The following SPG11 variants were observed in gnomAD, a reference collection of about 807,000 sequenced individuals.
The protein encoded by SPG11 is SPG11 vesicle trafficking associated, spatacsin.
Under a neutral mutation model 274.0 loss-of-function variants are expected in SPG11, and 222 were observed. The ratio of observed to expected loss-of-function variants is 0.81; its 90% CI spans 0.73 to 0.91. The LOEUF (loss-of-function observed/expected upper bound fraction) is 0.91. Among genes scored for constraint, SPG11 ranks in the 40% least tolerant of loss-of-function variants. The pLI is 0.00. For missense variants in SPG11, 3,114 were observed against 2,872.7 expected (o/e 1.08, Z -1.92); for synonymous variants, 1,144 against 1,039.7 (o/e 1.10, Z -1.93).
chr15:44,615,813 CAAGTT>C (rs1376182889), intron 15 of SPG11, among the ~76,000 whole-genome samples: 1 of 152,094 alleles, frequency 6.6e-6, no homozygotes, highest in Non-Finnish European at 1.5e-5. Flanking sequence ...AAACCTAAAT[CAAGTT>C]ATTTCCATTT....
chr15:44,652,264 T>G lies in SPG11; in HGVS notation c.872A>C (p.Gln291Pro). The G allele has an allele frequency of 3.7e-6, 6 of 1,614,048 alleles. No homozygotes were observed. Among genetic ancestry groups the G allele is most frequent in the Non-Finnish European group, 4.2e-6 (5 of 1,179,986 alleles). ...VALNLNLYFR[Q>P]HPGHLLCERI... ...TTCACACAGTAGGTGTCCTGGGTGTTGCCTACATTTAAAAATAATGATAGA... is the reference window on the plus strand; with the variant it reads ...TTCACACAGTAGGTGTCCTGGGTGTGGCCTACATTTAAAAATAATGATAGA... Residue 291 changes from glutamine to proline, a missense_variant and splice_region_variant, in exon 5 of 40, where the codon CAA becomes CCA. Physicochemically the swap from Gln to Pro is moderately conservative, Grantham distance 76 (BLOSUM62 -1). Coordinates refer to ENST00000261866, the MANE Select transcript of SPG11 (RefSeq NM_025137.4).
chr15:44,610,360 A>C (rs2555346), intron 18 of SPG11, among the ~76,000 whole-genome samples: 150,744 of 152,190 alleles, frequency 0.99, 74,668 homozygotes, highest in Middle Eastern at 1. Flanking sequence ...GGCTTCATTC[A>C]CTTTAAACTG....
At position 44,661,007 on chromosome 15, in the gene SPG11, T is replaced by TA. The variant is rs367844903; in HGVS notation, c.258-392dup. Among the ~76,000 whole-genome samples, 893 of 152,322 alleles carry TA rather than the reference T, an allele frequency of 5.9e-3. 18 individuals are homozygous for TA. The highest frequency in any genetic ancestry group is 0.021 in the African/African-American group (853 of 41,570). On this transcript the variant is annotated intron_variant, in intron 1 of 39. Coordinates refer to ENST00000261866, the MANE Select transcript of SPG11 (RefSeq NM_025137.4). ...ACAATAAAATAGGCTTTTGATAACT[T>TA]AAATGTTTTGACTTTTAAAAGAAAG...
intron 19 of SPG11, 92 bp downstream of exon 19, chr15:44,608,352 T>A: frequency 1.4e-6 from 2 of 1,390,884 alleles, no homozygotes; most frequent in Non-Finnish European, 2.0e-6. Context: ...ATTCCCTACA[T>A]TAAATGCCCT....
intron 26 of SPG11, 26 bp from the exon 27 acceptor site, chr15:44,592,464 T>C (rs761925327): frequency 7.3e-7 from 1 of 1,369,598 alleles, no homozygotes; most frequent in Non-Finnish European, 1.0e-6. Context: ...TGAAAAAAAT[T>C]ACAAAATTTT....
rs532874240 is a variant in SPG11 at position 44,580,922 on chromosome 15, T to C, written c.5866+2892A>G. Among the ~76,000 whole-genome samples the C allele has an allele frequency of 2.6e-4, 40 of 152,260 alleles. No homozygotes were observed. The South Asian group carries it at 8.1e-3, about 31-fold the overall frequency. ...GGTGCTGAGAAAATATTTGACAAAA[T>C]TATGGCTGATCAGTACCCAAGTGTG... On this transcript the variant is annotated intron_variant, in intron 30 of 39. Coordinates refer to ENST00000261866, the MANE Select transcript of SPG11 (RefSeq NM_025137.4).
At chr15:44,596,660 C>CAA (rs5812279) in intron 24 of SPG11, 124 bp downstream of exon 24, 905 of 270,454 alleles carry the variant, frequency 3.3e-3, no homozygotes, top group Middle Eastern at 8.4e-3. Context: ...GTATCCTGGT[C>CAA]AAAAAAAAAA....
chr15:44,573,969 CA>C, intron 31 of SPG11: 3 of 595,922 alleles, frequency 5.0e-6, no homozygotes, highest in South Asian at 2.0e-5. Flanking sequence ...CAGAAAGCAT[CA>C]GGTTATTCTC....
chr15:44,649,246 C>T (rs956508412), intron 6 of SPG11, among the ~76,000 whole-genome samples: 6 of 151,840 alleles, frequency 4.0e-5, no homozygotes, highest in South Asian at 2.1e-4. Flanking sequence ...TTGCCTAGGC[C>T]GGAGGGCAGT....
Position 44,620,244 on chromosome 15 carries a change from T to C in SPG11, c.2780A>G (p.Gln927Arg), listed in dbSNP as rs1425195779. Residue 927 changes from glutamine (Q) to arginine (R), a missense_variant, in exon 15 of 40, where the codon CAG becomes CGG. Transcript: ENST00000261866. ...CATGTAGTTGTTACAGGAAGTATTC[T>C]GGTTAATAACATCAACAGTCAGAAG... The part of the protein sequence containing the change: ...WPLLTVDVIN[Q>R]NTSCNNYMRN... 1 of 1,614,048 alleles carries C rather than the reference T, an allele frequency of 6.2e-7. No homozygotes were observed.
At chr15:44,642,833 GC>G (rs2084493666) in intron 7 of SPG11, among the ~76,000 whole-genome samples, 2 of 152,058 alleles carry the variant, frequency 1.3e-5, no homozygotes, top group Non-Finnish European at 2.9e-5. Context: ...TCACACTACT[GC>G]ACTCCAACCT....
intron 7 of SPG11, among the ~76,000 whole-genome samples, chr15:44,639,470 G>A (rs2084378529): frequency 1.3e-5 from 2 of 152,230 alleles, no homozygotes; most frequent in South Asian, 4.2e-4. Flanking sequence ...TCTGAAGGTC[G>A]AGGAGGGAGG....
chr15:44,620,005 C>G, intron 15 of SPG11, 185 bp downstream of exon 15: 4 of 594,478 alleles, frequency 6.7e-6, no homozygotes, highest in Non-Finnish European at 1.2e-5. Flanking sequence ...CATGAGCCAC[C>G]GCACTTGGCC....
chr15:44,578,493 A>G (rs945324422), intron 30 of SPG11, among the ~76,000 whole-genome samples: 13 of 151,162 alleles, frequency 8.6e-5, no homozygotes, highest in African/African-American at 3.2e-4. Context: ...TTTTGGCCAA[A>G]TAACTGAAAA....
chr15:44,598,214 G>A lies in SPG11; in HGVS notation c.4001+51C>T, dbSNP rs762816218. The stretch of plus-strand genomic sequence containing the variant: ...TCAAAGAAAAACTAGGCAAACACAG[G>A]TTGGCACAATAAGCTTGTTAGAAAA... On this transcript the variant is annotated intron_variant, in intron 23 of 39. Transcript: ENST00000261866. 1.2e-5 allele frequency: 17 copies of A among 1,385,430 alleles called. No individual in the cohort carries two copies. The African/African-American group carries it at 2.0e-4, about 16-fold the overall frequency. 85.8% of individuals were successfully genotyped at this position (1,385,430 alleles called of 1,614,324 possible). A position where few individuals can be genotyped will look rare whatever the true frequency, so the allele number is the denominator to read the frequency against.
intron 7 of SPG11, among the ~76,000 whole-genome samples, chr15:44,634,333 G>A (rs984494996): frequency 3.9e-5 from 6 of 152,078 alleles, no homozygotes; most frequent in Admixed American, 3.3e-4. Context: ...GAGGTACAGT[G>A]GCATGATCTC....
At chr15:44,604,036 ACTAC>A (rs1165076758) in intron 20 of SPG11, 1 of 347,260 alleles carries the variant, frequency 2.9e-6, no homozygotes, top group Non-Finnish European at 5.7e-6. Context: ...TTAACCACTT[ACTAC>A]CTATTTTTTA....
In SPG11 at chr15:44,624,682, T is replaced by C. The variant is rs561436271; in HGVS notation, c.2244+1649A>G. Among the ~76,000 whole-genome samples the C allele has an allele frequency of 5.3e-5, 8 of 151,928 alleles. 1 individual carries two copies. The South Asian group carries it at 1.7e-3, about 32-fold the overall frequency. ...GAGTAGATCTCAAGTGTTCTCACCA[T>C]ATAGACACACATAACTATGTGAGGT... is the stretch of plus-strand genomic sequence containing the variant. On this transcript the variant is annotated intron_variant, in intron 11 of 39. Coordinates refer to ENST00000261866, the MANE Select transcript of SPG11 (RefSeq NM_025137.4).
At chr15:44,588,338 A>G (rs1392951054) in intron 28 of SPG11, among the ~76,000 whole-genome samples, 1 of 151,898 alleles carries the variant, frequency 6.6e-6, no homozygotes, top group Admixed American at 6.6e-5. Context: ...TTTCTCTGAA[A>G]CTTTAAAAAT....
Sources: gnomAD v4.1 joint callset for allele counts (sites outside exome capture counted in the v4.1 genomes callset) on GRCh38, gnomAD v4.1.1 for gene constraint, MANE v1.5 for transcripts, NCBI Gene and HGNC (gene_info 2026-07-23, HGNC 2026-07-21) for gene names.